PLCB1: variants seen among roughly 807,000 people sequenced by gnomAD.
PLCB1 encodes the protein phospholipase C beta 1.
In PLCB1, 46 loss-of-function variants were observed where a neutral mutation model predicts 161.8. That is an observed-to-expected ratio of 0.28 (90% CI 0.22 to 0.36). The LOEUF is 0.36. Ranked by LOEUF, PLCB1 falls within the 10% of genes least tolerant of loss-of-function variation. The pLI is 1.00. For synonymous variants in PLCB1, 517 were observed against 503.7 expected (o/e 1.03, Z -0.35); for missense variants, 1,016 against 1,472.5 (o/e 0.69, Z 5.07).
chr20:8,165,525 T>C (rs766969748), intron 2 of PLCB1, among the ~76,000 whole-genome samples: 15 of 152,242 alleles, frequency 9.9e-5, no homozygotes, highest in Non-Finnish European at 2.1e-4. Flanking sequence ...ACCTTAGCAC[T>C]ATTAATGCTA....
rs370098442 is a variant in PLCB1, at chr20:8,827,445, T to C, written c.3423+37184T>C. Among the ~76,000 whole-genome samples, 109 of 152,310 alleles carry C rather than the reference T, an allele frequency of 7.2e-4. No homozygotes were observed. The South Asian group carries it at 0.02, about 28-fold the overall frequency. ...TTAATGTAGGCAAGAGATAAGACCA[T>C]TTTTTCAAGTTAATAGGAAAGAAAA... On this transcript the variant is annotated intron_variant, in intron 31 of 31. Transcript: ENST00000338037.
At chr20:8,479,551 G>T (rs74640153) in intron 3 of PLCB1, among the ~76,000 whole-genome samples, 1 of 152,132 alleles carries the variant, frequency 6.6e-6, no homozygotes, top group Non-Finnish European at 1.5e-5. Flanking sequence ...TTAATAGACC[G>T]CAGGCTCCTT....
At chr20:8,317,904 A>G (rs1426756678) in intron 2 of PLCB1, among the ~76,000 whole-genome samples, 1 of 150,126 alleles carries the variant, frequency 6.7e-6, no homozygotes, top group Non-Finnish European at 1.5e-5. Flanking sequence ...TTTGTTTGAA[A>G]CTCTCTTTTT....
At chr20:8,510,265 A>G (rs1365904131) in intron 3 of PLCB1, among the ~76,000 whole-genome samples, 1 of 152,128 alleles carries the variant, frequency 6.6e-6, no homozygotes, top group East Asian at 1.9e-4. Flanking sequence ...TCAAAACTGG[A>G]GCTTGCTTTC....
intron 20 of PLCB1, among the ~76,000 whole-genome samples, chr20:8,738,962 C>A (rs1980726229): frequency 6.6e-6 from 1 of 152,076 alleles, no homozygotes; most frequent in Non-Finnish European, 1.5e-5. Flanking sequence ...CCAGCCTGAC[C>A]AATATGGTGA....
intron 2 of PLCB1, among the ~76,000 whole-genome samples, chr20:8,192,914 A>G (rs112481194): frequency 6.6e-6 from 1 of 152,112 alleles, no homozygotes; most frequent in Non-Finnish European, 1.5e-5. Flanking sequence ...AGTGGTCTCT[A>G]CCATCCAGTT....
At chr20:8,813,088 C>A (rs1000374357) in intron 31 of PLCB1, among the ~76,000 whole-genome samples, 1 of 152,180 alleles carries the variant, frequency 6.6e-6, no homozygotes, top group African/African-American at 2.4e-5. Context: ...CTGGACACCG[C>A]GTCCTCTCCT....
At chr20:8,539,674 T>G in intron 3 of PLCB1, among the ~76,000 whole-genome samples, 1 of 98,046 alleles carries the variant, frequency 1.0e-5, no homozygotes, top group Non-Finnish European at 2.0e-5. Flanking sequence ...CTTTCTTTCT[T>G]TCTTTCTTTC....
chr20:8,535,172 A>G (rs1413147738), intron 3 of PLCB1, among the ~76,000 whole-genome samples: 1 of 140,074 alleles, frequency 7.1e-6, no homozygotes, highest in Non-Finnish European at 1.5e-5. Flanking sequence ...CTATTAGAGC[A>G]TAGGTTTTTC....
chr20:8,722,311 T>C (rs775147942), intron 14 of PLCB1, 43 bp from the exon 15 acceptor site: 3 of 1,438,126 alleles, frequency 2.1e-6, no homozygotes, highest in South Asian at 1.2e-5. Flanking sequence ...TAAAGCTAAA[T>C]GTTGAAATGG....
intron 22 of PLCB1, among the ~76,000 whole-genome samples, chr20:8,740,927 G>C (rs17368289): frequency 0.011 from 1,687 of 152,302 alleles, 17 homozygotes; most frequent in Non-Finnish European, 0.015. Flanking sequence ...GCTTGGGGCT[G>C]TCCATCCAAA....
intron 2 of PLCB1, among the ~76,000 whole-genome samples, chr20:8,244,195 A>G (rs780368678): frequency 6.6e-6 from 1 of 151,876 alleles, no homozygotes; most frequent in Non-Finnish European, 1.5e-5. Flanking sequence ...TTGGAAAACT[A>G]TTTATTAATG....
chr20:8,219,052 T>C (rs1979278805), intron 2 of PLCB1, among the ~76,000 whole-genome samples: 2 of 152,146 alleles, frequency 1.3e-5, no homozygotes, highest in African/African-American at 4.8e-5. Flanking sequence ...ACTCACTATT[T>C]CAGAATGTCA....
intron 2 of PLCB1, among the ~76,000 whole-genome samples, chr20:8,316,080 T>C (rs1382420446): frequency 6.6e-6 from 1 of 152,176 alleles, no homozygotes; most frequent in Non-Finnish European, 1.5e-5. Flanking sequence ...GAATAAGCAC[T>C]TGTATGCTTT....
chr20:8,555,086 G>T (rs1247308613), intron 3 of PLCB1, among the ~76,000 whole-genome samples: 3 of 151,948 alleles, frequency 2.0e-5, no homozygotes, highest in Non-Finnish European at 4.4e-5. Flanking sequence ...CATTTGCTTG[G>T]TTGCCTTAAG....
intron 2 of PLCB1, among the ~76,000 whole-genome samples, chr20:8,343,796 T>C (rs112167762): frequency 8.5e-5 from 13 of 152,318 alleles, no homozygotes; most frequent in African/African-American, 1.2e-4. Flanking sequence ...TTCAGGAACT[T>C]GTGCAGACCA....
chr20:8,616,174 T>C (rs1035431508), intron 3 of PLCB1, among the ~76,000 whole-genome samples: 1 of 152,232 alleles, frequency 6.6e-6, no homozygotes, highest in African/African-American at 2.4e-5. Flanking sequence ...AGCCATTTGG[T>C]GGCTTCCCCT....
chr20:8,258,868 TAAC>T (rs773816919), intron 2 of PLCB1, among the ~76,000 whole-genome samples: 1 of 152,142 alleles, frequency 6.6e-6, no homozygotes, highest in Non-Finnish European at 1.5e-5. Context: ...GTGCGAGTCT[TAAC>T]AATTCTATAC....
At chr20:8,448,016 A>G (rs1196811687) in intron 3 of PLCB1, among the ~76,000 whole-genome samples, 1 of 152,186 alleles carries the variant, frequency 6.6e-6, no homozygotes, top group Non-Finnish European at 1.5e-5. Context: ...GCTATTGACA[A>G]TCCTACATAT....
Sources: allele counts gnomAD v4.1 joint callset (sites outside exome capture counted in the v4.1 genomes callset), GRCh38; gene constraint gnomAD v4.1.1; transcripts MANE v1.5; gene names NCBI Gene and HGNC (gene_info 2026-07-23, HGNC 2026-07-21).